Variants in DGCR2 observed in about 807,000 individuals in gnomAD.
The protein encoded by DGCR2 is integral membrane protein DGCR2/IDD.
Under a neutral mutation model 51.6 loss-of-function variants are expected in DGCR2, and 24 were observed. The ratio of observed to expected loss-of-function variants is 0.47; its 90% CI spans 0.34 to 0.65. The LOEUF is 0.65. Among genes scored for constraint, DGCR2 ranks in the 30% least tolerant of loss-of-function variants. The pLI is 0.01. For missense variants in DGCR2, 765 were observed against 772.1 expected (o/e 0.99, Z 0.11); for synonymous variants, 340 against 315.4 (o/e 1.08, Z -0.82).
intron 6 of DGCR2, among the ~76,000 whole-genome samples, chr22:19,051,507 G>A (rs2082548647): frequency 6.6e-6 from 1 of 152,130 alleles, no homozygotes; most frequent in Non-Finnish European, 1.5e-5. Context: ...GATCACTTGA[G>A]CCTAGGAGTT....
intron 6 of DGCR2, among the ~76,000 whole-genome samples, chr22:19,053,873 C>T (rs964941990): frequency 7.9e-5 from 12 of 152,112 alleles, no homozygotes; most frequent in East Asian, 1.9e-4. Context: ...AAATGGAAAT[C>T]CTATAAATAA....
chr22:19,081,756 C>T (rs2082938699), intron 2 of DGCR2, among the ~76,000 whole-genome samples: 1 of 152,178 alleles, frequency 6.6e-6, no homozygotes, highest in Admixed American at 6.5e-5. Context: ...GTCTCTATTC[C>T]AGAGTGGGTG....
At chr22:19,066,133 C>T (rs1323420116) in intron 3 of DGCR2, among the ~76,000 whole-genome samples, 1 of 152,214 alleles carries the variant, frequency 6.6e-6, no homozygotes, top group African/African-American at 2.4e-5. Flanking sequence ...GCAACAGTGG[C>T]TCACGCCTGT....
rs368330978 is a variant in DGCR2 at position 19,043,447 on chromosome 22, A to C, written c.1007-1488T>G. 5.9e-5 allele frequency among the ~76,000 whole-genome samples: 9 copies of C among 152,346 alleles called. No homozygotes were observed. In the East Asian group the frequency reaches 1.7e-3, roughly 29 times the overall value. On this transcript the variant is annotated intron_variant, in intron 7 of 9. Transcript: ENST00000263196. ...CATGAAAGGAGAATCTACCAGCCAC[A>C]CATCTATAACATGGCTGGCAGTTCC... is the stretch of plus-strand genomic sequence containing the variant.
chr22:19,046,859 C>A, intron 7 of DGCR2: 1 of 283,720 alleles, frequency 3.5e-6, no homozygotes, highest in Non-Finnish European at 7.7e-6. Context: ...CTCTTTAGGC[C>A]ATACATGCCC....
At chr22:19,097,037 G>A (rs968059784) in intron 1 of DGCR2, among the ~76,000 whole-genome samples, 1 of 152,002 alleles carries the variant, frequency 6.6e-6, no homozygotes, top group African/African-American at 2.4e-5. Flanking sequence ...GGAAATAGTT[G>A]AGTAAGAAGT....
intron 4 of DGCR2, 95 bp from the exon 5 acceptor site, chr22:19,063,373 G>C (rs574772372): frequency 2.6e-6 from 3 of 1,138,206 alleles, no homozygotes; most frequent in Non-Finnish European, 3.8e-6. Flanking sequence ...ACAGAGTCTC[G>C]CTCTGTCACC....
At chr22:19,099,115 C>A (rs1264738709) in intron 1 of DGCR2, among the ~76,000 whole-genome samples, 1 of 152,208 alleles carries the variant, frequency 6.6e-6, no homozygotes, top group Non-Finnish European at 1.5e-5. Context: ...ATGTGGATCA[C>A]TCATTAACAC....
intron 5 of DGCR2, among the ~76,000 whole-genome samples, chr22:19,062,779 A>AGTCATTCTCTCTCTCTCTCTCTCTCTCT: frequency 7.9e-6 from 1 of 127,354 alleles, no homozygotes; most frequent in Non-Finnish European, 1.8e-5. Flanking sequence ...ATGCATGCTC[A>AGTCATTCTCTCTCTCTCTCTCTCTCTCT]CTCTCTCTCT....
rs528791293 is a variant in DGCR2, at chr22:19,048,311, C to T, written c.1006+129G>A. The T allele has an allele frequency of 3.0e-5, 29 of 954,670 alleles. No homozygotes were observed. In the Admixed American group the frequency reaches 3.7e-4, roughly 12 times the overall value. The allele number at this position is 954,670 out of a possible 1,614,324, so 59.1% of individuals were successfully genotyped here. On this transcript the variant is annotated intron_variant, in intron 7 of 9. Transcript: ENST00000263196. ...GTCTCTGAGACATCTCTGTGACAAACGCTGCCATTGCTGCTGCGCGATGCT... is the reference window on the plus strand; with the variant it reads ...GTCTCTGAGACATCTCTGTGACAAATGCTGCCATTGCTGCTGCGCGATGCT...
intron 1 of DGCR2, among the ~76,000 whole-genome samples, chr22:19,089,703 C>A (rs945739711): frequency 1.3e-5 from 2 of 152,264 alleles, no homozygotes; most frequent in African/African-American, 4.8e-5. Context: ...CCCTCAGCCT[C>A]CTGAGTAGCT....
chr22:19,063,322 GGATGCAACCATCAAT>G (rs770473082), intron 4 of DGCR2, 44 bp from the exon 5 acceptor site: 32 of 1,567,250 alleles, frequency 2.0e-5, no homozygotes, highest in Non-Finnish European at 2.8e-5. Flanking sequence ...GCGGCAGGAG[GGATGCAACCATCAAT>G]GACTGTGTGT....
intron 6 of DGCR2, among the ~76,000 whole-genome samples, chr22:19,055,341 C>T (rs1031852461): frequency 1.3e-5 from 2 of 152,182 alleles, no homozygotes; most frequent in Non-Finnish European, 2.9e-5. Context: ...TTCCCAGCAA[C>T]CTAGGAATAG....
intron 1 of DGCR2, among the ~76,000 whole-genome samples, chr22:19,092,637 A>G (rs1934895): frequency 0.13 from 19,704 of 152,174 alleles, 2,094 homozygotes; most frequent in African/African-American, 0.29. Flanking sequence ...CCAAATATTT[A>G]AGGAAGAATT....
At chr22:19,061,497 C>T (rs2082662973) in intron 5 of DGCR2, 1 of 152,176 alleles carries the variant, frequency 6.6e-6, no homozygotes, top group Non-Finnish European at 1.5e-5. Flanking sequence ...ATGAATCTTC[C>T]ACAAGTCCCC....
chr22:19,067,499 C>A lies in DGCR2; in HGVS notation c.328+601G>T, dbSNP rs535898021. Among the ~76,000 whole-genome samples the A allele has an allele frequency of 2.6e-4, 39 of 152,150 alleles. No homozygotes were observed. The South Asian group carries it at 7.9e-3, about 31-fold the overall frequency. On this transcript the variant is annotated intron_variant, in intron 3 of 9. Transcript: ENST00000263196. ...CCTCAGGTCAGGAGTTCGAGACCAG[C>A]CTGGTCAAGGTGGTGAAACCCGGTC... is the stretch of plus-strand genomic sequence containing the variant.
chr22:19,055,709 A>G (rs1021315531), intron 6 of DGCR2: 1 of 152,296 alleles, frequency 6.6e-6, no homozygotes, highest in Non-Finnish European at 1.5e-5. Context: ...ATAACAGGCA[A>G]GAACAAGGCA....
At chr22:19,098,428 T>C (rs537849929) in intron 1 of DGCR2, among the ~76,000 whole-genome samples, 75 of 152,318 alleles carry the variant, frequency 4.9e-4, no homozygotes, top group African/African-American at 1.7e-3. Context: ...TCAACCCTGC[T>C]GCCGTGGAGC....
At chr22:19,099,964 T>C (rs1323202534) in intron 1 of DGCR2, among the ~76,000 whole-genome samples, 2 of 117,092 alleles carry the variant, frequency 1.7e-5, no homozygotes, top group Non-Finnish European at 3.4e-5. Flanking sequence ...AGCAAGATTC[T>C]GTCTTTAAAA....
Sources: allele counts gnomAD v4.1 joint callset (sites outside exome capture counted in the v4.1 genomes callset), GRCh38; gene constraint gnomAD v4.1.1; transcripts MANE v1.5; gene names NCBI Gene and HGNC (gene_info 2026-07-23, HGNC 2026-07-21).